Variants in STARD8 observed in about 807,000 individuals in gnomAD.
The protein encoded by STARD8 is StAR related lipid transfer domain containing 8.
In STARD8, 25 loss-of-function variants were observed where a neutral mutation model predicts 69.4. The observed-to-expected ratio is 0.36, with a 90% CI of 0.26 to 0.50. The LOEUF (loss-of-function observed/expected upper bound fraction) is 0.50. Among genes scored for constraint, STARD8 ranks in the 20% least tolerant of loss-of-function variants. The pLI, the probability that STARD8 is intolerant of heterozygous loss-of-function variation, is 0.96. For synonymous variants in STARD8, 389 were observed against 374.6 expected, an observed-to-expected ratio of 1.04 and a Z score of -0.45; for missense variants, 921 against 932.5, an observed-to-expected ratio of 0.99 and a Z score of 0.16.
At chrX:68,661,747 A>G (rs924875419) in intron 1 of STARD8, among the ~76,000 whole-genome samples, 5 of 111,447 alleles carry the variant, frequency 4.5e-5, no homozygotes, top group Non-Finnish European at 9.4e-5. Context: ...CCCACATCCT[A>G]TCATTTACTT....
intron 1 of STARD8, among the ~76,000 whole-genome samples, chrX:68,661,966 CTCTCTCTTTCTTTCTTTCTTTCTT>C (rs1382847812): frequency 1.1e-4 from 8 of 71,933 alleles, no homozygotes; most frequent in African/African-American, 4.9e-4. Flanking sequence ...CTCTCTCTCT[CTCTCTCTTTCTTTCTTTCTTTCTT>C]TCTTTCTTTC....
At chrX:68,661,111 G>A (rs991643010) in intron 1 of STARD8, among the ~76,000 whole-genome samples, 1 of 111,467 alleles carries the variant, frequency 9.0e-6, no homozygotes. Context: ...AACCAGGCAA[G>A]GCAAGGAAAA....
At chrX:68,711,143 C>T (rs1199518778) in intron 2 of STARD8, among the ~76,000 whole-genome samples, 1 of 111,118 alleles carries the variant, frequency 9.0e-6, no homozygotes, top group Non-Finnish European at 1.9e-5. Flanking sequence ...TTCCAGGGAC[C>T]CCTCAGAGGT....
At chrX:68,654,753 G>T (rs1013378668) in intron 1 of STARD8, among the ~76,000 whole-genome samples, 1 of 110,870 alleles carries the variant, frequency 9.0e-6, no homozygotes, top group Non-Finnish European at 1.9e-5. Flanking sequence ...ACACACACTC[G>T]CAAGTGAGGT....
intron 7 of STARD8, 37 bp downstream of exon 7, chrX:68,719,435 C>A: frequency 8.9e-7 from 1 of 1,123,500 alleles, no homozygotes; most frequent in East Asian, 3.2e-5. Flanking sequence ...TGGGGAACTG[C>A]TGACTCAGGT....
In STARD8 at chrX:68,716,974, AG is replaced by A. The variant is rs771359854; in HGVS notation, c.298-232del. 7.8e-4 allele frequency among the ~76,000 whole-genome samples: 87 copies of A among 111,674 alleles called. No individual in the cohort carries two copies. In the South Asian group the frequency reaches 8.3e-3, roughly 11 times the overall value. On this transcript the variant is annotated intron_variant, in intron 5 of 14. Coordinates refer to ENST00000374599, the MANE Select transcript of STARD8 (RefSeq NM_001142503.3). ...TTGTTTTCCTATCTGTAAAATTGGA[AG>A]GGGGGTTAGATTAATTAGTTGACCA...
chrX:68,665,642 A>G, intron 2 of STARD8, 110 bp downstream of exon 2: 3 of 846,563 alleles, frequency 3.5e-6, no homozygotes, highest in Non-Finnish European at 5.1e-6. Flanking sequence ...AACGGCCGAG[A>G]TGCAAAAGCC....
intron 1 of STARD8, among the ~76,000 whole-genome samples, chrX:68,664,209 TTTCC>T (rs2079668547): frequency 9.0e-6 from 1 of 110,889 alleles, no homozygotes; most frequent in Admixed American, 9.6e-5. Flanking sequence ...GGTACCCTTC[TTTCC>T]TTCCTTCTTT....
intron 12 of STARD8, among the ~76,000 whole-genome samples, 177 bp from the exon 13 acceptor site, chrX:68,723,449 G>A (rs1180708327): frequency 8.9e-6 from 1 of 112,515 alleles, no homozygotes; most frequent in Non-Finnish European, 1.9e-5. Flanking sequence ...CCAGAAAAGA[G>A]AGAGAGAGGG....
intron 2 of STARD8, among the ~76,000 whole-genome samples, chrX:68,669,022 A>C (rs2079711846): frequency 9.0e-6 from 1 of 111,633 alleles, no homozygotes; most frequent in South Asian, 3.8e-4. Flanking sequence ...AGCTAGCGGT[A>C]GTAAAACCAG....
intron 2 of STARD8, among the ~76,000 whole-genome samples, chrX:68,668,182 C>G (rs1483921942): frequency 9.9e-6 from 1 of 100,667 alleles, no homozygotes; most frequent in African/African-American, 3.7e-5. Context: ...TCCTTCCTTC[C>G]TACCTACCCT....
At chrX:68,666,926 C>T (rs1185007063) in intron 2 of STARD8, among the ~76,000 whole-genome samples, 1 of 111,833 alleles carries the variant, frequency 8.9e-6, no homozygotes, top group African/African-American at 3.3e-5. Flanking sequence ...CCCTCAGGCC[C>T]TGAAATAGTG....
intron 1 of STARD8, among the ~76,000 whole-genome samples, chrX:68,655,653 G>C (rs1350563012): frequency 2.7e-5 from 3 of 112,083 alleles, no homozygotes; most frequent in African/African-American, 9.7e-5. Flanking sequence ...GAGCTCAAGA[G>C]AGTTGTGAGG....
At chrX:68,695,271 T>G (rs1449885780) in intron 2 of STARD8, among the ~76,000 whole-genome samples, 1 of 109,975 alleles carries the variant, frequency 9.1e-6, no homozygotes, top group Non-Finnish European at 1.9e-5. Flanking sequence ...ATGGGAAGGG[T>G]GGTGTTTTGC....
intron 5 of STARD8, 59 bp downstream of exon 5, chrX:68,716,490 A>G (rs2080092438): frequency 5.4e-6 from 6 of 1,117,168 alleles, no homozygotes; most frequent in Middle Eastern, 2.4e-4. Flanking sequence ...AACCCAGGGC[A>G]TACGTAAACC....
At position 68,725,017 on chromosome X, in the gene STARD8, G is replaced by A. The variant is rs1165219016; in HGVS notation, c.*595G>A. ...TAAATACGATGCTGAATTTTATGAG[G>A]CTGAGTTAAGAGTGGGCACTGACGG... is the stretch of plus-strand genomic sequence containing the variant. On this transcript the variant is annotated 3_prime_UTR_variant, in exon 15 of 15. Transcript: ENST00000374599. 1.8e-5 allele frequency: 2 copies of A among 111,947 alleles called. No individual in the cohort carries two copies. The highest frequency in any genetic ancestry group is 3.8e-5 in the Non-Finnish European group (2 of 53,227). 9.2% of individuals were successfully genotyped at this position (111,947 alleles called of 1,213,427 possible). A position where few individuals can be genotyped will look rare whatever the true frequency, so the allele number is the denominator to read the frequency against.
Position 68,717,331 on chromosome X carries a change from C to T in STARD8, c.417C>T (p.Gly139=), listed in dbSNP as rs757331323. The T allele has an allele frequency of 1.7e-6, 2 of 1,207,632 alleles. No homozygotes were observed. Among genetic ancestry groups the T allele is most frequent in the Non-Finnish European group, 2.2e-6 (2 of 893,780 alleles). ...ATCTGTTGGCCCCACCGAGCCCTGGCCTGCCAGCGACCTCAAGCTGTGAGA... is the reference window on the plus strand; with the variant it reads ...ATCTGTTGGCCCCACCGAGCCCTGGTCTGCCAGCGACCTCAAGCTGTGAGA... ...SSDLLAPPSP[G]LPATSSCESV... Residue 139 remains glycine, a synonymous_variant, in exon 6 of 15, where the codon GGC becomes GGT. Transcript: ENST00000374599.
chrX:68,682,398 C>A (rs2079806646), intron 2 of STARD8, among the ~76,000 whole-genome samples: 2 of 112,523 alleles, frequency 1.8e-5, no homozygotes, highest in South Asian at 7.3e-4. Context: ...CAGCCCCTGG[C>A]TGAGAGAATT....
rs765152554 is a variant in STARD8, at chrX:68,718,277, T to C, written c.1363T>C (p.Trp455Arg). Reference protein sequence around the residue: ...EVPAHGESPAWAQAEVQPAVL... With the variant: ...EVPAHGESPARAQAEVQPAVL... ...TCCGGCCCATGGAGAGTCCCCAGCCTGGGCCCAGGCTGAAGTCCAGCCAGC... is the reference window on the plus strand; with the variant it reads ...TCCGGCCCATGGAGAGTCCCCAGCCCGGGCCCAGGCTGAAGTCCAGCCAGC... Residue 455 changes from tryptophan (W) to arginine (R), a missense_variant, in exon 6 of 15, where the codon TGG becomes CGG. Transcript: ENST00000374599. 2.5e-6 allele frequency: 3 copies of C among 1,209,779 alleles called. No homozygotes were observed. Among genetic ancestry groups the C allele is most frequent in the East Asian group, 3.0e-5 (1 of 33,659 alleles).
Sources: allele counts gnomAD v4.1 joint callset (sites outside exome capture counted in the v4.1 genomes callset), GRCh38; gene constraint gnomAD v4.1.1; transcripts MANE v1.5; gene names NCBI Gene and HGNC (gene_info 2026-07-23, HGNC 2026-07-21).